Variants in HS6ST2 observed in about 807,000 individuals in gnomAD.
The protein encoded by HS6ST2 is heparan sulfate 6-O-sulfotransferase 2.
HS6ST2 carries 17 observed loss-of-function variants against 33.0 expected under a neutral mutation model. That is an observed-to-expected ratio of 0.52 (90% CI 0.35 to 0.77). HS6ST2 has a LOEUF of 0.77. HS6ST2 is among the 30% of genes least tolerant of loss of function. The probability of loss-of-function intolerance (pLI) is 0.01; values close to 1 mark genes in which losing one functional copy is unlikely to be tolerated. For missense variants in HS6ST2, 519 were observed against 551.7 expected (o/e 0.94, Z 0.59); for synonymous variants, 248 against 237.1 (o/e 1.05, Z -0.42).
chrX:132,959,909 T>G (rs1485916444), upstream of HS6ST2, among the ~76,000 whole-genome samples: 1 of 112,266 alleles, frequency 8.9e-6, no homozygotes, highest in Non-Finnish European at 1.9e-5. Context: ...GGCAATTCTG[T>G]GGCTGTGCAC....
intron 3 of HS6ST2, among the ~76,000 whole-genome samples, chrX:132,689,560 G>T (rs1226408991): frequency 8.9e-6 from 1 of 111,897 alleles, no homozygotes; most frequent in East Asian, 2.8e-4. Context: ...TTACATTTTA[G>T]AAAATTGAAA....
intron 3 of HS6ST2, among the ~76,000 whole-genome samples, chrX:132,681,727 C>T (rs1405850551): frequency 8.9e-6 from 1 of 112,493 alleles, no homozygotes; most frequent in Non-Finnish European, 1.9e-5. Flanking sequence ...GATATCATCT[C>T]CGTCACCTCT....
chrX:132,698,289 A>C (rs2064117754), intron 3 of HS6ST2, among the ~76,000 whole-genome samples: 1 of 112,486 alleles, frequency 8.9e-6, no homozygotes, highest in African/African-American at 3.2e-5. Flanking sequence ...CAAATTTCAC[A>C]TGTTACTGCT....
intron 2 of HS6ST2, among the ~76,000 whole-genome samples, chrX:132,709,408 TAA>T (rs1262350468): frequency 8.9e-6 from 1 of 111,894 alleles, no homozygotes; most frequent in East Asian, 2.8e-4. Flanking sequence ...AGAAGTGAGT[TAA>T]GAGAGCCTTT....
intron 2 of HS6ST2, among the ~76,000 whole-genome samples, chrX:132,754,026 T>A (rs915537512): frequency 1.8e-5 from 2 of 111,827 alleles, no homozygotes; most frequent in African/African-American, 6.5e-5. Flanking sequence ...TATGCTTTAT[T>A]TAGATTTCCT....
chrX:132,761,458 GA>G (rs1335402786), intron 2 of HS6ST2, among the ~76,000 whole-genome samples: 1 of 111,448 alleles, frequency 9.0e-6, no homozygotes, highest in East Asian at 2.8e-4. Context: ...AGGGCATCCT[GA>G]GAAGCCAATC....
chrX:132,769,157 T>C (rs1467194640), intron 2 of HS6ST2, among the ~76,000 whole-genome samples: 1 of 112,274 alleles, frequency 8.9e-6, no homozygotes, highest in South Asian at 3.7e-4. Flanking sequence ...TAGAATAGCT[T>C]TGTAATCTTC....
At chrX:132,826,423 T>C (rs970817258) in intron 2 of HS6ST2, among the ~76,000 whole-genome samples, 2 of 111,339 alleles carry the variant, frequency 1.8e-5, no homozygotes, top group African/African-American at 6.5e-5. Flanking sequence ...ACACCAGATT[T>C]CTAAGACTTA....
intron 2 of HS6ST2, among the ~76,000 whole-genome samples, chrX:132,779,019 TA>T (rs2064993772): frequency 8.9e-6 from 1 of 112,275 alleles, no homozygotes; most frequent in Non-Finnish European, 1.9e-5. Flanking sequence ...TGTGGGTGTT[TA>T]ATTAGGCAGC....
chrX:132,697,375 AG>A (rs1322434150), intron 3 of HS6ST2, among the ~76,000 whole-genome samples: 2 of 112,063 alleles, frequency 1.8e-5, no homozygotes, highest in Non-Finnish European at 3.8e-5. Flanking sequence ...AAAGAAAAAA[AG>A]AGAAAGAAAA....
intron 2 of HS6ST2, among the ~76,000 whole-genome samples, chrX:132,754,419 T>A (rs1024067974): frequency 1.9e-4 from 18 of 93,451 alleles, no homozygotes; most frequent in African/African-American, 7.4e-4. Flanking sequence ...CATACTGCAC[T>A]TTTTTTTTTT....
chrX:132,637,980 A>G (rs1158304341), intron 4 of HS6ST2, among the ~76,000 whole-genome samples: 1 of 82,217 alleles, frequency 1.2e-5, no homozygotes, highest in Admixed American at 1.8e-4. Flanking sequence ...ATATATATAT[A>G]TAAAAGTTCA....
At chrX:132,729,997 C>A (rs1161228893) in intron 2 of HS6ST2, among the ~76,000 whole-genome samples, 1 of 109,740 alleles carries the variant, frequency 9.1e-6, no homozygotes, top group Admixed American at 9.7e-5. Flanking sequence ...CCTTCCATAC[C>A]CCTGAGGCAG....
intron 2 of HS6ST2, among the ~76,000 whole-genome samples, chrX:132,790,991 T>C (rs2065115934): frequency 1.8e-5 from 2 of 110,285 alleles, no homozygotes; most frequent in African/African-American, 6.6e-5. Context: ...TACATTTTTT[T>C]TTTTAATTAG....
intron 3 of HS6ST2, among the ~76,000 whole-genome samples, chrX:132,685,114 G>T (rs1376638122): frequency 9.0e-6 from 1 of 111,501 alleles, no homozygotes. Flanking sequence ...CACACAAAAA[G>T]GTACCAGAGC....
At chrX:132,662,257 A>C (rs1172516685) in intron 4 of HS6ST2, among the ~76,000 whole-genome samples, 5 of 109,876 alleles carry the variant, frequency 4.6e-5, no homozygotes, top group Non-Finnish European at 9.5e-5. Context: ...GGAAGGAAGG[A>C]GGGAAAAGTG....
At chrX:132,843,321 T>C (rs970869737) in intron 2 of HS6ST2, among the ~76,000 whole-genome samples, 1 of 112,247 alleles carries the variant, frequency 8.9e-6, no homozygotes, top group Non-Finnish European at 1.9e-5. Context: ...TTAAGTATTA[T>C]ACCACTTACA....
intron 2 of HS6ST2, among the ~76,000 whole-genome samples, chrX:132,733,672 A>G (rs760600124): frequency 1.8e-5 from 2 of 111,454 alleles, no homozygotes; most frequent in South Asian, 7.7e-4. Context: ...TAGAGTCTAA[A>G]TGTTCCATAT....
At chrX:132,663,431 T>C (rs1397799210) in intron 4 of HS6ST2, among the ~76,000 whole-genome samples, 2 of 112,454 alleles carry the variant, frequency 1.8e-5, no homozygotes, top group Non-Finnish European at 3.8e-5. Context: ...AGTTAGGCTA[T>C]AAATGAATTC....
Sources: gnomAD v4.1 joint callset for allele counts (sites outside exome capture counted in the v4.1 genomes callset) on GRCh38, gnomAD v4.1.1 for gene constraint, MANE v1.5 for transcripts, NCBI Gene and HGNC (gene_info 2026-07-23, HGNC 2026-07-21) for gene names.